AGAP4: variants seen among roughly 807,000 people sequenced by gnomAD.
AGAP4 encodes ArfGAP with GTPase domain, ankyrin repeat and PH domain 4, also known as arf-GAP with GTPase, ANK repeat and PH domain-containing protein 4.
A neutral mutation model predicts 60.7 loss-of-function variants in AGAP4; 13 were observed. The observed-to-expected ratio is 0.21, with a 90% CI of 0.14 to 0.34. AGAP4 has a LOEUF of 0.34. Among genes scored for constraint, AGAP4 ranks in the 10% least tolerant of loss-of-function variants. The pLI, the probability that AGAP4 is intolerant of heterozygous loss-of-function variation, is 1.00. For missense variants in AGAP4, 169 were observed against 884.0 expected (o/e 0.19, Z 10.26); for synonymous variants, 70 against 339.0 (o/e 0.21, Z 8.72).
chr10:45,839,532 G>C (rs3964859), intron 4 of AGAP4, among the ~76,000 whole-genome samples: 2 of 128,506 alleles, frequency 1.6e-5, no homozygotes, highest in Non-Finnish European at 3.4e-5. Context: ...AACTTTCTTC[G>C]CTAACTCTGC....
At chr10:45,848,963 C>T (rs1352839984), upstream of AGAP4, 3 of 150,564 alleles carry the variant, frequency 2.0e-5, no homozygotes, top group African/African-American at 7.3e-5. Context: ...CGGTGGCTCA[C>T]ACTTGTAACC....
intron 5 of AGAP4, among the ~76,000 whole-genome samples, chr10:45,832,478 A>G (rs1414143187): frequency 2.0e-5 from 3 of 147,352 alleles, no homozygotes; most frequent in African/African-American, 7.5e-5. Flanking sequence ...AGACATTTTA[A>G]TTTAATTAGT....
upstream of AGAP4, chr10:45,847,504 G>A (rs1383894849): frequency 3.5e-5 from 54 of 1,524,486 alleles, no homozygotes; most frequent in Admixed American, 7.7e-4. Flanking sequence ...ACCAGCCCTG[G>A]CCCTGGCCCT....
intron 5 of AGAP4, among the ~76,000 whole-genome samples, 174 bp from the exon 6 acceptor site, chr10:45,831,603 A>G (rs1457960613): frequency 3.9e-5 from 5 of 128,366 alleles, no homozygotes; most frequent in East Asian, 2.3e-4. Flanking sequence ...TTACAAAAAT[A>G]TGAGAACCAA....
chr10:45,848,018 C>A (rs1303694202), upstream of AGAP4: 1 of 997,276 alleles, frequency 1.0e-6, no homozygotes, highest in Non-Finnish European at 1.2e-6. Context: ...CTATACAAAG[C>A]CTCAGTAGAG....
upstream of AGAP4, chr10:45,854,258 C>T (rs1413065681): frequency 6.2e-6 from 1 of 160,428 alleles, no homozygotes; most frequent in Non-Finnish European, 1.4e-5. Flanking sequence ...AGAGCACTTG[C>T]CCCAATACTT....
At chr10:45,839,557 CCTG>C (rs1467718610) in intron 4 of AGAP4, among the ~76,000 whole-genome samples, 1 of 129,552 alleles carries the variant, frequency 7.7e-6, no homozygotes, top group Non-Finnish European at 1.7e-5. Flanking sequence ...CCTTTCCAGG[CCTG>C]CTTTTACTTT....
At chr10:45,849,590 T>C (rs1239640679), upstream of AGAP4, among the ~76,000 whole-genome samples, 2 of 151,270 alleles carry the variant, frequency 1.3e-5, no homozygotes, top group Non-Finnish European at 2.9e-5. Flanking sequence ...AGAAATACAA[T>C]TGATAAATGA....
upstream of AGAP4, among the ~76,000 whole-genome samples, chr10:45,850,844 C>T (rs2059074985): frequency 1.3e-5 from 2 of 152,000 alleles, no homozygotes; most frequent in South Asian, 4.2e-4. Context: ...CTCAGTGTCA[C>T]ATTAAAATGG....
At chr10:45,852,791 T>C (rs1554900643) in intron 1 of AGAP4, among the ~76,000 whole-genome samples, 2 of 152,144 alleles carry the variant, frequency 1.3e-5, no homozygotes, top group Non-Finnish European at 2.9e-5. Flanking sequence ...GAGGCTACAA[T>C]CTGCATTAAT....
intron 4 of AGAP4, among the ~76,000 whole-genome samples, chr10:45,834,408 G>A (rs1238510280): frequency 4.2e-5 from 6 of 142,220 alleles, no homozygotes; most frequent in Middle Eastern, 3.2e-3. Context: ...GGGCACGGTG[G>A]CTCACACCTG....
intron 3 of AGAP4, 88 bp downstream of exon 3, chr10:45,844,238 A>T: frequency 7.0e-7 from 1 of 1,424,626 alleles, no homozygotes. Flanking sequence ...ATTTTAAACC[A>T]ATATGAGTTT....
intron 6 of AGAP4, among the ~76,000 whole-genome samples, chr10:45,830,347 A>G (rs1371796454): frequency 7.6e-6 from 1 of 131,010 alleles, no homozygotes; most frequent in Admixed American, 7.6e-5. Flanking sequence ...CATTTTTTGT[A>G]CTTTCAGTAG....
chr10:45,849,902 C>G (rs1407240584), upstream of AGAP4, among the ~76,000 whole-genome samples: 3 of 150,634 alleles, frequency 2.0e-5, no homozygotes, highest in Non-Finnish European at 4.4e-5. Flanking sequence ...GCCACCGTGC[C>G]CAGCCAGATT....
chr10:45,830,403 C>T (rs2058712865), intron 6 of AGAP4, among the ~76,000 whole-genome samples: 1 of 131,422 alleles, frequency 7.6e-6, no homozygotes, highest in Admixed American at 7.5e-5. Context: ...AACTCCTGAC[C>T]TCAAGTGATC....
At chr10:45,850,754 C>A (rs2059073356), upstream of AGAP4, among the ~76,000 whole-genome samples, 2 of 151,996 alleles carry the variant, frequency 1.3e-5, no homozygotes, top group Non-Finnish European at 2.9e-5. Flanking sequence ...CTGGGGAAGA[C>A]TGGGTATGTA....
At chr10:45,830,223 G>A (rs2058709575) in intron 6 of AGAP4, among the ~76,000 whole-genome samples, 2 of 144,922 alleles carry the variant, frequency 1.4e-5, no homozygotes, top group Admixed American at 6.9e-5. Flanking sequence ...CCCAGGCTGG[G>A]GTGCAATGGC....
At position 45,830,492 on chromosome 10, in the gene AGAP4, T is replaced by C. The variant is rs541286840; in HGVS notation, c.533+902A>G. 4.1e-5 allele frequency among the ~76,000 whole-genome samples: 4 copies of C among 97,660 alleles called. 1 individual carries two copies. Among genetic ancestry groups the C allele is most frequent in the Admixed American group, 3.7e-4 (4 of 10,914 alleles). 64.1% of individuals were successfully genotyped at this position (97,660 alleles called of 152,430 possible). ...CCACCAGCTTATTGCTTTTTTTGTT[T>C]GTTTGTTTGTTTAGGCAGAGTCTTG... On this transcript the variant is annotated intron_variant, in intron 6 of 7. Transcript: ENST00000616763.
intron 2 of AGAP4, among the ~76,000 whole-genome samples, chr10:45,846,071 G>C (rs1469441383): frequency 1.4e-5 from 2 of 139,522 alleles, no homozygotes. Flanking sequence ...CATGTCTTTT[G>C]AAAGTTTTGA....
Sources: allele counts gnomAD v4.1 joint callset (sites outside exome capture counted in the v4.1 genomes callset), GRCh38; gene constraint gnomAD v4.1.1; transcripts MANE v1.5; gene names NCBI Gene and HGNC (gene_info 2026-07-23, HGNC 2026-07-21).